Variants in GNL3L observed in about 807,000 individuals in gnomAD.
GNL3L encodes guanine nucleotide-binding protein-like 3-like protein.
A neutral mutation model predicts 42.9 loss-of-function variants in GNL3L; 4 were observed. The ratio of observed to expected loss-of-function variants is 0.09; its 90% CI spans 0.05 to 0.21. GNL3L has a LOEUF of 0.21. Ranked by LOEUF, GNL3L falls within the 10% of genes least tolerant of loss-of-function variation. The pLI is 1.00. For missense variants in GNL3L, 412 were observed against 481.7 expected (o/e 0.86, Z 1.36); for synonymous variants, 159 against 176.3 (o/e 0.90, Z 0.78).
chrX:54,630,720 C>CTTTCTT, the GNL3L span, among the ~76,000 whole-genome samples: 3 of 73,736 alleles, frequency 4.1e-5, no homozygotes, highest in Non-Finnish European at 6.9e-5. Flanking sequence ...TTCTTTCTTT[C>CTTTCTT]TTTCTTTCTT....
chrX:54,607,342 T>C (rs1332026986), intron 16 of GNL3L, among the ~76,000 whole-genome samples: 1 of 100,444 alleles, frequency 1.0e-5, no homozygotes, highest in Non-Finnish European at 2.0e-5. Context: ...AAAGAAAAAT[T>C]GCTCATTTTG....
rs1557200532 is a variant in GNL3L at position 54,607,082 on chromosome X, C to CTTTCTTTCTTTCTTTCT, written c.*46-13761_*46-13760insTCTTTCTTTCTTTCTTT. On this transcript the variant is annotated intron_variant, in intron 16 of 16. Coordinates refer to the GNL3L transcript ENST00000674498. Reference sequence around the variant, plus strand: ...TTTCTTTCTTTCTTTCTCTTTCTTTCTTCTTTCTTTCTTTCTTTCTTTCTT... The same window carrying CTTTCTTTCTTTCTTTCT: ...TTTCTTTCTTTCTTTCTCTTTCTTTCTTTCTTTCTTTCTTTCTTTCTTTCTTTCTTTCTTTCTTTCTT... Among the ~76,000 whole-genome samples, 24 of 21,993 alleles carry CTTTCTTTCTTTCTTTCT rather than the reference C, an allele frequency of 1.1e-3. 1 individual carries two copies. Among genetic ancestry groups the CTTTCTTTCTTTCTTTCT allele is most frequent in the African/African-American group, 2.7e-3 (23 of 8,510 alleles). The allele number at this position is 21,993 out of a possible 115,157, so 19.1% of individuals were successfully genotyped here.
chrX:54,634,050 T>C, the GNL3L span, among the ~76,000 whole-genome samples: 1 of 112,525 alleles, frequency 8.9e-6, no homozygotes, highest in African/African-American at 3.2e-5. Flanking sequence ...AGATTCTCTT[T>C]GTCTTTGTGT....
chrX:54,618,529 A>G (rs1353834116), intron 16 of GNL3L, among the ~76,000 whole-genome samples: 1 of 111,749 alleles, frequency 8.9e-6, no homozygotes, highest in African/African-American at 3.2e-5. Context: ...CATGACTTCC[A>G]TGCTCAAAAA....
intron 16 of GNL3L, among the ~76,000 whole-genome samples, chrX:54,616,753 G>A (rs1024201774): frequency 9.0e-5 from 10 of 111,703 alleles, no homozygotes; most frequent in African/African-American, 3.3e-4. Flanking sequence ...CAACTGGATA[G>A]TGTTAGCCTC....
intron 5 of GNL3L, 50 bp from the exon 6 acceptor site, chrX:54,542,905 G>A (rs373002660): frequency 9.0e-6 from 7 of 782,121 alleles, no homozygotes; most frequent in East Asian, 3.2e-5. Context: ...TCTCTTTCTC[G>A]CTCTCTCCCC....
At chrX:54,620,335 C>T (rs1050103657) in intron 16 of GNL3L, among the ~76,000 whole-genome samples, 2 of 111,202 alleles carry the variant, frequency 1.8e-5, no homozygotes, top group African/African-American at 3.3e-5. Flanking sequence ...TCTCTATCCC[C>T]GTGGGTTCAG....
chrX:54,594,994 G>C (rs1439731026), intron 16 of GNL3L, among the ~76,000 whole-genome samples: 5 of 111,731 alleles, frequency 4.5e-5, no homozygotes, highest in Non-Finnish European at 9.4e-5. Context: ...AGTTGTTCTA[G>C]TTATTATTTT....
chrX:54,531,754 C>T (rs1027168692), intron 1 of GNL3L, among the ~76,000 whole-genome samples: 1 of 111,202 alleles, frequency 9.0e-6, no homozygotes, highest in Non-Finnish European at 1.9e-5. Context: ...AGGACCCATC[C>T]CCACAATCTA....
intron 16 of GNL3L, among the ~76,000 whole-genome samples, chrX:54,604,437 G>A (rs977252882): frequency 9.0e-6 from 1 of 111,383 alleles, no homozygotes; most frequent in Admixed American, 9.5e-5. Flanking sequence ...TTTAAATTAG[G>A]CTAGTCAGCA....
chrX:54,542,870 C>T (rs1206269373), intron 5 of GNL3L, 85 bp from the exon 6 acceptor site: 6 of 555,334 alleles, frequency 1.1e-5, no homozygotes, highest in Non-Finnish European at 1.8e-5. Context: ...TTTTTTAAGC[C>T]TCCTATAGTT....
chrX:54,543,135 T>G (rs1924677293), intron 6 of GNL3L, 72 bp from the exon 7 acceptor site: 1 of 1,135,064 alleles, frequency 8.8e-7, no homozygotes, highest in Admixed American at 2.2e-5. Flanking sequence ...ATGGAGATTT[T>G]TGTTTCACAG....
downstream of GNL3L, among the ~76,000 whole-genome samples, chrX:54,623,921 A>ATT (rs113624737): frequency 1.3e-4 from 13 of 98,014 alleles, no homozygotes; most frequent in African/African-American, 4.1e-4. Flanking sequence ...ATTCTTTGGG[A>ATT]TTTTTTTTTT....
chrX:54,610,629 T>C (rs780243403), intron 16 of GNL3L, among the ~76,000 whole-genome samples: 4 of 112,012 alleles, frequency 3.6e-5, no homozygotes, highest in African/African-American at 6.5e-5. Context: ...GTTTTAATTC[T>C]GTTCGTGTGG....
chrX:54,542,671 A>G (rs927635403), intron 5 of GNL3L, among the ~76,000 whole-genome samples: 1 of 111,959 alleles, frequency 8.9e-6, no homozygotes, highest in Non-Finnish European at 1.9e-5. Context: ...AGGAATCGCC[A>G]CACTGTCTTC....
At chrX:54,630,716 C>CTTTCTTTCTTTCTTTCTTTCTT in the GNL3L span, among the ~76,000 whole-genome samples, 1 of 70,044 alleles carries the variant, frequency 1.4e-5, no homozygotes, top group East Asian at 4.5e-4. Flanking sequence ...CTTTTTCTTT[C>CTTTCTTTCTTTCTTTCTTTCTT]TTTCTTTCTT....
chrX:54,550,406 A>T (rs1363976338), intron 9 of GNL3L, among the ~76,000 whole-genome samples: 3 of 111,260 alleles, frequency 2.7e-5, no homozygotes. Context: ...TATGCTTGAG[A>T]CAATAGTACA....
In GNL3L at chrX:54,552,375, C is replaced by T; in HGVS notation, c.1265C>T (p.Thr422Ile). The change falls in exon 13 of 16, where the codon ACC becomes ATC. Residue 422 changes from threonine (T) to isoleucine (I), a missense_variant. Physicochemically the swap from Thr to Ile is moderately conservative, Grantham distance 89. Coordinates refer to ENST00000360845, the MANE Select transcript of GNL3L (RefSeq NM_001184819.2). ...AGTGCTGAGATCGTTAAGGAAATGA[C>T]CGAGGTCTTTGACATCGAGGATACT... is the stretch of plus-strand genomic sequence containing the variant. ...HLSAEIVKEM[T>I]EVFDIEDTEQ... 8.3e-7 allele frequency: 1 copy of T among 1,208,183 alleles called. No individual in the cohort carries two copies. Among genetic ancestry groups the T allele is most frequent in the Non-Finnish European group, 1.1e-6 (1 of 892,331 alleles).
At chrX:54,560,109 G>C (rs1925215964) in intron 15 of GNL3L, among the ~76,000 whole-genome samples, 1 of 110,888 alleles carries the variant, frequency 9.0e-6, no homozygotes, top group Admixed American at 9.7e-5. Context: ...GGGTGTGTCT[G>C]GGGGATGGGA....
Sources: allele counts gnomAD v4.1 joint callset (sites outside exome capture counted in the v4.1 genomes callset), GRCh38; gene constraint gnomAD v4.1.1; transcripts MANE v1.5; gene names NCBI Gene and HGNC (gene_info 2026-07-23, HGNC 2026-07-21).